The following OTUD7A variants were observed in gnomAD, a reference collection of about 807,000 sequenced individuals.
OTUD7A encodes the protein OTU deubiquitinase 7A.
Under a neutral mutation model 65.7 loss-of-function variants are expected in OTUD7A, and 12 were observed. That is an observed-to-expected ratio of 0.18 (90% CI 0.12 to 0.30). OTUD7A has a LOEUF of 0.30. OTUD7A is among the 10% of genes least tolerant of loss of function. The probability of loss-of-function intolerance (pLI) is 1.00; values close to 1 mark genes in which losing one functional copy is unlikely to be tolerated. For missense variants in OTUD7A, 1,148 were observed against 1,304.8 expected, an observed-to-expected ratio of 0.88 and a Z score of 1.85; for synonymous variants, 641 against 586.3, an observed-to-expected ratio of 1.09 and a Z score of -1.35.
chr15:31,751,297 C>A lies in OTUD7A; in HGVS notation c.-99-94220G>T, dbSNP rs1439758487. On this transcript the variant is annotated intron_variant, in intron 1 of 12. Transcript: ENST00000307050. ...TCTCAAAAAGAGACATATGAGTGGC[C>A]AACAAACATATGAAAAACTGCTCAA... 2.0e-5 allele frequency among the ~76,000 whole-genome samples: 3 copies of A among 149,558 alleles called. No homozygotes were observed. In the East Asian group the frequency reaches 5.8e-4, roughly 29 times the overall value.
intron 10 of OTUD7A, among the ~76,000 whole-genome samples, chr15:31,489,090 G>A (rs1387926926): frequency 6.6e-6 from 1 of 152,184 alleles, no homozygotes; most frequent in Non-Finnish European, 1.5e-5. Flanking sequence ...CTTGGGTGGT[G>A]CCCAGCAGCC....
chr15:31,558,899 A>G (rs762020639), intron 5 of OTUD7A, 70 bp downstream of exon 5: 2 of 1,512,080 alleles, frequency 1.3e-6, no homozygotes, highest in Non-Finnish European at 1.8e-6. Context: ...TCTTGCTCAT[A>G]GAGTAGGTTA....
intron 1 of OTUD7A, among the ~76,000 whole-genome samples, chr15:31,796,537 G>A (rs1895966547): frequency 6.6e-6 from 1 of 152,108 alleles, no homozygotes; most frequent in African/African-American, 2.4e-5. Flanking sequence ...TACCTTCACA[G>A]CAACATTCAG....
intron 3 of OTUD7A, among the ~76,000 whole-genome samples, chr15:31,607,481 C>T (rs1289944400): frequency 6.6e-6 from 1 of 152,104 alleles, no homozygotes; most frequent in African/African-American, 2.4e-5. Flanking sequence ...AATAAGCAAA[C>T]TTCACTTTCT....
chr15:31,667,097 C>T (rs7494893), intron 1 of OTUD7A, among the ~76,000 whole-genome samples: 46,436 of 151,916 alleles, frequency 0.31, 8,288 homozygotes, highest in African/African-American at 0.49. Flanking sequence ...ATAGAATGTG[C>T]ATTCCGTGGT....
intron 1 of OTUD7A, among the ~76,000 whole-genome samples, chr15:31,686,272 T>C (rs1242193475): frequency 6.6e-6 from 1 of 152,246 alleles, no homozygotes; most frequent in Non-Finnish European, 1.5e-5. Flanking sequence ...TGCAGGGGCT[T>C]TGCCTTGGCT....
intron 3 of OTUD7A, among the ~76,000 whole-genome samples, chr15:31,604,360 C>T (rs1890172653): frequency 1.3e-5 from 2 of 152,012 alleles, no homozygotes; most frequent in African/African-American, 2.4e-5. Context: ...AACCAAACAC[C>T]GCATTTTCTC....
chr15:31,671,955 T>C (rs1892495038), intron 1 of OTUD7A, among the ~76,000 whole-genome samples: 1 of 152,202 alleles, frequency 6.6e-6, no homozygotes. Context: ...GAGTCTGTTG[T>C]TCCTTTCTTT....
chr15:31,766,420 T>G (rs1268222693), intron 1 of OTUD7A: 1 of 1,582,806 alleles, frequency 6.3e-7, no homozygotes, highest in Non-Finnish European at 8.7e-7. Flanking sequence ...TGCAGCAAAC[T>G]TTGTGTGCCA....
intron 3 of OTUD7A, among the ~76,000 whole-genome samples, chr15:31,643,175 G>A (rs1891567379): frequency 7.2e-6 from 1 of 138,944 alleles, no homozygotes; most frequent in Admixed American, 7.4e-5. Flanking sequence ...TTAGAGATGA[G>A]GGTCTCATTA....
At chr15:31,825,850 C>A (rs566993044) in intron 1 of OTUD7A, among the ~76,000 whole-genome samples, 2 of 152,196 alleles carry the variant, frequency 1.3e-5, no homozygotes, top group African/African-American at 2.4e-5. Flanking sequence ...AGGCCCCATG[C>A]GAGTCCAAAA....
chr15:31,507,641 CGG>C (rs986075335), intron 8 of OTUD7A, among the ~76,000 whole-genome samples: 2 of 12,184 alleles, frequency 1.6e-4, no homozygotes, highest in African/African-American at 4.6e-4. Flanking sequence ...GGCTGGGGGG[CGG>C]GGGTGGCAAG....
chr15:31,631,145 T>G (rs1891137016), intron 3 of OTUD7A, among the ~76,000 whole-genome samples: 1 of 152,244 alleles, frequency 6.6e-6, no homozygotes, highest in Non-Finnish European at 1.5e-5. Context: ...GTTAGCTGGT[T>G]ATTTTGATCG....
intron 1 of OTUD7A, among the ~76,000 whole-genome samples, chr15:31,779,339 A>T (rs192192523): frequency 3.7e-4 from 56 of 152,338 alleles, no homozygotes; most frequent in Admixed American, 2.2e-3. Context: ...CGCTTCACTG[A>T]TATAAACTTT....
intron 1 of OTUD7A, among the ~76,000 whole-genome samples, chr15:31,864,150 G>T (rs926921449): frequency 6.6e-6 from 1 of 152,176 alleles, no homozygotes; most frequent in African/African-American, 2.4e-5. Flanking sequence ...ATTGCTGTCA[G>T]CATTTTTGTC....
At chr15:31,622,863 T>C (rs947250786) in intron 3 of OTUD7A, among the ~76,000 whole-genome samples, 3 of 152,224 alleles carry the variant, frequency 2.0e-5, no homozygotes, top group African/African-American at 7.2e-5. Context: ...TTTTCAGTTT[T>C]TCTGCTCTGT....
chr15:31,547,388 G>A (rs927485144), intron 5 of OTUD7A, among the ~76,000 whole-genome samples: 12 of 152,074 alleles, frequency 7.9e-5, no homozygotes, highest in Non-Finnish European at 1.8e-4. Flanking sequence ...TGTTGAACAG[G>A]CTGGCTTCTC....
At chr15:31,639,391 C>T (rs1234551730) in intron 3 of OTUD7A, among the ~76,000 whole-genome samples, 3 of 150,240 alleles carry the variant, frequency 2.0e-5, no homozygotes. Context: ...TATGTATCTA[C>T]CACCATTTGT....
chr15:31,774,019 G>A (rs1159025681), intron 1 of OTUD7A, among the ~76,000 whole-genome samples: 1 of 152,192 alleles, frequency 6.6e-6, no homozygotes, highest in Non-Finnish European at 1.5e-5. Flanking sequence ...ATGGCACAGT[G>A]GGTAAAAAGT....
Sources: allele counts gnomAD v4.1 joint callset (sites outside exome capture counted in the v4.1 genomes callset), GRCh38; gene constraint gnomAD v4.1.1; transcripts MANE v1.5; gene names NCBI Gene and HGNC (gene_info 2026-07-23, HGNC 2026-07-21).